The following AQR variants were observed in gnomAD, a reference collection of about 807,000 sequenced individuals.
AQR encodes aquarius intron-binding spliceosomal factor.
In AQR, 61 loss-of-function variants were observed where a neutral mutation model predicts 180.5. The ratio of observed to expected loss-of-function variants is 0.34; its 90% CI spans 0.28 to 0.42. AQR has a LOEUF of 0.42. AQR is among the 10% of genes least tolerant of loss of function. AQR has a pLI of 1.00. For missense variants in AQR, 1,281 were observed against 1,798.3 expected (o/e 0.71, Z 5.20); for synonymous variants, 551 against 588.8 (o/e 0.94, Z 0.93).
At chr15:34,888,512 T>A (rs910351430) in intron 24 of AQR, among the ~76,000 whole-genome samples, 2 of 151,434 alleles carry the variant, frequency 1.3e-5, no homozygotes, top group Non-Finnish European at 2.9e-5. Context: ...CTGGGCAACA[T>A]GGTGAAACCC....
At chr15:34,891,150 C>T (rs929730307) in intron 23 of AQR, among the ~76,000 whole-genome samples, 7 of 152,188 alleles carry the variant, frequency 4.6e-5, no homozygotes, top group African/African-American at 7.2e-5. Context: ...GCAATCTGAG[C>T]TCTGAAACTG....
chr15:34,923,946 T>C (rs142335972), intron 13 of AQR, among the ~76,000 whole-genome samples: 6 of 152,336 alleles, frequency 3.9e-5, no homozygotes, highest in African/African-American at 9.6e-5. Context: ...TCAATTTCTA[T>C]AAAATATCCT....
chr15:34,968,347 G>C lies in AQR; in HGVS notation c.75+1192C>G, dbSNP rs889028195. Among the ~76,000 whole-genome samples the C allele has an allele frequency of 2.6e-5, 4 of 152,008 alleles. No homozygotes were observed. The East Asian group carries it at 7.8e-4, about 30-fold the overall frequency. On this transcript the variant is annotated intron_variant, in intron 1 of 34. Transcript: ENST00000156471. Reference sequence around the variant, plus strand: ...GGCTCACTGCAAGCTCCGCCTCCCGGGTTCACGCCATTCTCCTGCCTCAGC... The same window carrying C: ...GGCTCACTGCAAGCTCCGCCTCCCGCGTTCACGCCATTCTCCTGCCTCAGC...
chr15:34,929,289 G>C (rs925065281), intron 12 of AQR, among the ~76,000 whole-genome samples: 1 of 152,096 alleles, frequency 6.6e-6, no homozygotes, highest in Non-Finnish European at 1.5e-5. Flanking sequence ...GAATGGTATC[G>C]CCTAGGTTTT....
chr15:34,917,258 C>A (rs890742151), intron 15 of AQR, among the ~76,000 whole-genome samples: 4 of 152,136 alleles, frequency 2.6e-5, no homozygotes, highest in Non-Finnish European at 5.9e-5. Context: ...CTTAGATTAA[C>A]CATTTTAAGT....
Position 34,897,422 on chromosome 15 carries a change from G to T in AQR, c.2390+137C>A. 1.5e-5 allele frequency: 15 copies of T among 984,840 alleles called. No individual in the cohort carries two copies. The South Asian group carries it at 2.3e-4, about 15-fold the overall frequency. The allele number at this position is 984,840 out of a possible 1,614,324, so 61.0% of individuals were successfully genotyped here. Reference sequence around the variant, plus strand: ...ATGTCAGTTATTCAGCTGACTGACAGAATAGAAAGAAAGAGGGTTCAGAAA... The same window carrying T: ...ATGTCAGTTATTCAGCTGACTGACATAATAGAAAGAAAGAGGGTTCAGAAA... On this transcript the variant is annotated intron_variant, in intron 21 of 34. Coordinates refer to ENST00000156471, the MANE Select transcript of AQR (RefSeq NM_014691.3).
rs538711417 is a variant in AQR at position 34,949,605 on chromosome 15, C to CA, written c.210-1222dup. Among the ~76,000 whole-genome samples the CA allele has an allele frequency of 9.3e-3, 462 of 49,608 alleles. 2 individuals carry two copies. Among genetic ancestry groups the CA allele is most frequent in the Middle Eastern group, 0.033 (2 of 60 alleles). 32.5% of individuals were successfully genotyped at this position (49,608 alleles called of 152,430 possible). On this transcript the variant is annotated intron_variant, in intron 4 of 34. Transcript: ENST00000156471. ...GCCTGGCAACAGTGAGACTCCGTCA[C>CA]AAAAAAAAAAAAAAAAAAAAAAGGA...
intron 29 of AQR, 93 bp downstream of exon 29, chr15:34,874,584 T>C (rs1314095505): frequency 6.8e-7 from 1 of 1,473,718 alleles, no homozygotes; most frequent in Non-Finnish European, 9.3e-7. Context: ...TAGCCAAGAA[T>C]GCTAATAGTC....
intron 3 of AQR, among the ~76,000 whole-genome samples, chr15:34,959,294 C>A (rs1894380745): frequency 6.6e-6 from 1 of 152,156 alleles, no homozygotes; most frequent in African/African-American, 2.4e-5. Flanking sequence ...TCTTGAGTAA[C>A]TGGGACTACA....
intron 15 of AQR, 107 bp downstream of exon 15, chr15:34,918,151 C>A: frequency 8.5e-7 from 1 of 1,178,180 alleles, no homozygotes; most frequent in East Asian, 2.4e-5. Flanking sequence ...AGGAAATTAT[C>A]CTAATGTACA....
intron 34 of AQR, among the ~76,000 whole-genome samples, chr15:34,857,417 G>A (rs1566977198): frequency 6.6e-6 from 1 of 152,232 alleles, no homozygotes; most frequent in Non-Finnish European, 1.5e-5. Flanking sequence ...GATCAGGACT[G>A]ATTATAAAAC....
chr15:34,874,274 A>G (rs1367076911), intron 29 of AQR: 1 of 331,950 alleles, frequency 3.0e-6, no homozygotes, highest in Middle Eastern at 8.2e-4. Context: ...ATCAAGGAAG[A>G]CTAAAAATTG....
chr15:34,914,205 T>C (rs1479737561), intron 16 of AQR, among the ~76,000 whole-genome samples: 2 of 152,218 alleles, frequency 1.3e-5, no homozygotes, highest in Admixed American at 6.5e-5. Flanking sequence ...TTATAATCAC[T>C]TGTGATGTAT....
intron 17 of AQR, among the ~76,000 whole-genome samples, chr15:34,906,935 A>G (rs1348826107): frequency 6.6e-6 from 1 of 152,176 alleles, no homozygotes; most frequent in African/African-American, 2.4e-5. Flanking sequence ...TTATATTAAA[A>G]TTAGAAACAT....
At position 34,856,615 on chromosome 15, in the gene AQR, T is replaced by C; in HGVS notation, c.*177A>G. ...TCTGATTGAACAAATGAAACTAGAA[T>C]TGTTCATACACATAATTTAAAAAAA... On this transcript the variant is annotated 3_prime_UTR_variant, in exon 35 of 35. Coordinates refer to ENST00000156471, the MANE Select transcript of AQR (RefSeq NM_014691.3). The C allele has an allele frequency of 4.1e-6, 2 of 489,448 alleles. No homozygotes were observed. The highest frequency in any genetic ancestry group is 3.5e-6 in the Non-Finnish European group (1 of 288,746). The allele number at this position is 489,448 out of a possible 1,614,324, so 30.3% of individuals were successfully genotyped here. A position where few individuals can be genotyped will look rare whatever the true frequency, so the allele number is the denominator to read the frequency against.
Position 34,940,906 on chromosome 15 carries a change from T to G in AQR, c.634A>C (p.Arg212=). The change falls in exon 8 of 35, where the codon AGA becomes CGA. Residue 212 remains arginine, a synonymous_variant. Coordinates refer to ENST00000156471, the MANE Select transcript of AQR (RefSeq NM_014691.3). ...KNDEKMDPEA[R]EQAYQERRFL... ...GAAGCTCTGCCAACATACTGTTCTCTTGCTTCTGGATCCATCTTTTCATCA... is the reference window on the plus strand; with the variant it reads ...GAAGCTCTGCCAACATACTGTTCTCGTGCTTCTGGATCCATCTTTTCATCA... The G allele has an allele frequency of 6.2e-7, 1 of 1,604,078 alleles. No homozygotes were observed. The highest frequency in any genetic ancestry group is 1.1e-5 in the South Asian group (1 of 89,934).
intron 13 of AQR, among the ~76,000 whole-genome samples, chr15:34,926,608 CTA>C (rs1893768891): frequency 6.6e-6 from 1 of 152,204 alleles, no homozygotes; most frequent in Non-Finnish European, 1.5e-5. Context: ...ATTATTATTA[CTA>C]TTTTCAAAAG....
intron 9 of AQR, among the ~76,000 whole-genome samples, chr15:34,937,634 A>T (rs1418079922): frequency 6.6e-6 from 1 of 152,210 alleles, no homozygotes; most frequent in African/African-American, 2.4e-5. Flanking sequence ...CTGTGATCCC[A>T]GCGCTTTGGG....
At chr15:34,924,857 T>G (rs1338029352) in intron 13 of AQR, among the ~76,000 whole-genome samples, 1 of 149,316 alleles carries the variant, frequency 6.7e-6, no homozygotes, top group African/African-American at 2.5e-5. Context: ...TTTTTAAGAG[T>G]GTAAAGGATG....
Sources: gnomAD v4.1 joint callset for allele counts (sites outside exome capture counted in the v4.1 genomes callset) on GRCh38, gnomAD v4.1.1 for gene constraint, MANE v1.5 for transcripts, NCBI Gene and HGNC (gene_info 2026-07-23, HGNC 2026-07-21) for gene names.